Variants in RNF128 observed in about 807,000 individuals in gnomAD.
RNF128 encodes E3 ubiquitin-protein ligase RNF128.
In RNF128, 13 loss-of-function variants were observed where a neutral mutation model predicts 26.2. The observed-to-expected ratio is 0.50, with a 90% CI of 0.32 to 0.79. The LOEUF is 0.79. RNF128 is among the 30% of genes least tolerant of loss of function. The probability of loss-of-function intolerance (pLI) is 0.03; values close to 1 mark genes in which losing one functional copy is unlikely to be tolerated. For missense variants in RNF128, 315 were observed against 349.7 expected (o/e 0.90, Z 0.79); for synonymous variants, 149 against 142.5 (o/e 1.05, Z -0.32).
chrX:106,791,068 G>A lies in RNF128; in HGVS notation c.987G>A (p.Val329=). 1 of 1,204,406 alleles carries A rather than the reference G, an allele frequency of 8.3e-7. No homozygotes were observed. The highest frequency in any genetic ancestry group is 1.1e-6 in the Non-Finnish European group (1 of 890,580). ...AATTTGTTACATGTTCTTTAAAGGT[G>A]GATGTTGAAGATGGATCAGTGTCTT... ...CDILKALGIE[V]DVEDGSVSLQ... Residue 329 remains valine (V), a splice_region_variant and synonymous_variant, in exon 6 of 7, where the codon GTG becomes GTA. Coordinates refer to ENST00000255499, the MANE Select transcript of RNF128 (RefSeq NM_194463.2).
exon 1 of RNF128, chrX:106,694,159 G>A (rs146627932): frequency 9.9e-5 from 120 of 1,208,903 alleles, no homozygotes; most frequent in Middle Eastern, 4.6e-4. Flanking sequence ...TGAATGTGGC[G>A]TTTATGGATT....
intron 1 of RNF128, among the ~76,000 whole-genome samples, chrX:106,757,470 A>AT (rs1355780370): frequency 7.2e-5 from 5 of 69,094 alleles, no homozygotes; most frequent in Non-Finnish European, 1.3e-4. Flanking sequence ...CATTCTCAGT[A>AT]AACTATCGCA....
chrX:106,710,910 A>G (rs986422383), intron 1 of RNF128, among the ~76,000 whole-genome samples: 24 of 111,449 alleles, frequency 2.2e-4, no homozygotes, highest in African/African-American at 7.9e-4. Flanking sequence ...AAGCAGAAAT[A>G]TGTGGTCAAC....
In RNF128 at chrX:106,768,867, T is replaced by C. The variant is rs945428412; in HGVS notation, c.485-4046T>C. Among the ~76,000 whole-genome samples the C allele has an allele frequency of 7.3e-5, 8 of 110,113 alleles. No individual in the cohort carries two copies. The East Asian group carries it at 2.3e-3, about 32-fold the overall frequency. On this transcript the variant is annotated intron_variant, in intron 1 of 6. Coordinates refer to ENST00000255499, the MANE Select transcript of RNF128 (RefSeq NM_194463.2). ...TGTGGGCATTTAGTGCTGTAAATTT[T>C]CCTCTATACACTGCTTTGAATGTGT...
In RNF128 at chrX:106,757,798, A is replaced by G. The variant is rs944181206; in HGVS notation, c.485-15115A>G. 8.9e-5 allele frequency among the ~76,000 whole-genome samples: 10 copies of G among 112,195 alleles called. No individual in the cohort carries two copies. The Admixed American group carries it at 9.5e-4, about 11-fold the overall frequency. The stretch of plus-strand genomic sequence containing the variant: ...TATGCAAGGAACATACCTCATTGCA[A>G]TAAAAGCTATATGTGACAGATCCAC... On this transcript the variant is annotated intron_variant, in intron 1 of 6. Coordinates refer to ENST00000255499, the MANE Select transcript of RNF128 (RefSeq NM_194463.2).
intron 2 of RNF128, among the ~76,000 whole-genome samples, chrX:106,781,956 T>G (rs1331449750): frequency 8.9e-6 from 1 of 112,333 alleles, no homozygotes; most frequent in Non-Finnish European, 1.9e-5. Context: ...ATACAAAGTT[T>G]CCCTTTGATC....
intron 1 of RNF128, among the ~76,000 whole-genome samples, chrX:106,731,478 T>G (rs1929501609): frequency 8.9e-6 from 1 of 111,758 alleles, no homozygotes; most frequent in South Asian, 3.8e-4. Flanking sequence ...ATGTTGACTT[T>G]GAAAATAAAT....
At chrX:106,731,972 T>C (rs760918312) in intron 1 of RNF128, among the ~76,000 whole-genome samples, 14 of 111,918 alleles carry the variant, frequency 1.3e-4, no homozygotes, top group African/African-American at 3.6e-4. Context: ...CTATTACTTA[T>C]AAATTTTGGA....
At chrX:106,746,010 T>C (rs745955923) in intron 1 of RNF128, among the ~76,000 whole-genome samples, 28 of 111,422 alleles carry the variant, frequency 2.5e-4, no homozygotes, top group Non-Finnish European at 3.2e-4. Flanking sequence ...GAAGTCCACT[T>C]GAATTGGTTC....
chrX:106,736,344 G>A (rs1425255936), intron 1 of RNF128, among the ~76,000 whole-genome samples: 1 of 111,203 alleles, frequency 9.0e-6, no homozygotes, highest in Admixed American at 9.6e-5. Flanking sequence ...AGGTTGCTTT[G>A]GTACCACTTA....
chrX:106,709,735 G>T (rs1269870063), intron 1 of RNF128, among the ~76,000 whole-genome samples: 1 of 110,659 alleles, frequency 9.0e-6, no homozygotes, highest in East Asian at 2.8e-4. Context: ...TAATAGAGAC[G>T]GGGTTTCTCC....
chrX:106,778,264 T>C (rs1332563328), intron 2 of RNF128, among the ~76,000 whole-genome samples: 1 of 111,908 alleles, frequency 8.9e-6, no homozygotes, highest in East Asian at 2.8e-4. Flanking sequence ...AATATTATGC[T>C]AACTGTATAG....
chrX:106,755,668 T>C (rs1929993114), intron 1 of RNF128, among the ~76,000 whole-genome samples: 1 of 111,586 alleles, frequency 9.0e-6, no homozygotes, highest in Non-Finnish European at 1.9e-5. Context: ...AGCATATAAT[T>C]CCAATTGATG....
intron 1 of RNF128, among the ~76,000 whole-genome samples, chrX:106,735,104 T>C (rs1051126990): frequency 2.7e-5 from 3 of 111,638 alleles, no homozygotes; most frequent in African/African-American, 9.8e-5. Context: ...CCATAGCACG[T>C]AGTTACTGCT....
At chrX:106,790,008 C>T (rs769980481) in intron 4 of RNF128, among the ~76,000 whole-genome samples, 178 bp from the exon 5 acceptor site, 1 of 109,714 alleles carries the variant, frequency 9.1e-6, no homozygotes, top group Non-Finnish European at 1.9e-5. Flanking sequence ...TTAAAAGTAC[C>T]GTATTATGGA....
At chrX:106,706,396 C>A (rs749155323) in intron 1 of RNF128, among the ~76,000 whole-genome samples, 23 of 104,115 alleles carry the variant, frequency 2.2e-4, no homozygotes, top group African/African-American at 7.1e-4. Context: ...GAAAAAAAAA[C>A]AAAAAAAAAC....
At chrX:106,754,951 T>TA (rs368285122) in intron 1 of RNF128, among the ~76,000 whole-genome samples, 1 of 109,989 alleles carries the variant, frequency 9.1e-6, no homozygotes, top group African/African-American at 3.3e-5. Context: ...TAAATTGAAA[T>TA]AAAAAAACAC....
Position 106,726,724 on chromosome X carries a change from T to C in RNF128, c.-190T>C. ...CCGCGGTAGCGGAGAAGACTGGAGCTCCGAGGAGCTGCATCTGCGGCAACC... is the reference window on the plus strand; with the variant it reads ...CCGCGGTAGCGGAGAAGACTGGAGCCCCGAGGAGCTGCATCTGCGGCAACC... On this transcript the variant is annotated 5_prime_UTR_variant, in exon 1 of 7. Coordinates refer to ENST00000255499, the MANE Select transcript of RNF128 (RefSeq NM_194463.2). The C allele has an allele frequency of 9.6e-7, 1 of 1,037,855 alleles. No homozygotes were observed. The highest frequency in any genetic ancestry group is 1.2e-6 in the Non-Finnish European group (1 of 817,440). 85.5% of individuals were successfully genotyped at this position (1,037,855 alleles called of 1,213,427 possible).
intron 1 of RNF128, among the ~76,000 whole-genome samples, chrX:106,768,682 A>AT (rs745647502): frequency 6.3e-5 from 7 of 111,117 alleles, no homozygotes; most frequent in African/African-American, 2.0e-4. Flanking sequence ...GGATTCATTG[A>AT]TTTTTTGAAG....
Sources: allele counts gnomAD v4.1 joint callset (sites outside exome capture counted in the v4.1 genomes callset), GRCh38; gene constraint gnomAD v4.1.1; transcripts MANE v1.5; gene names NCBI Gene and HGNC (gene_info 2026-07-23, HGNC 2026-07-21).